MAP3K3: variants seen among roughly 807,000 people sequenced by gnomAD.
The protein encoded by MAP3K3 is MAP/ERK kinase kinase 3.
In MAP3K3, 12 loss-of-function variants were observed where a neutral mutation model predicts 80.9. That is an observed-to-expected ratio of 0.15 (90% CI 0.10 to 0.24). The LOEUF (loss-of-function observed/expected upper bound fraction) is 0.24, where lower values mean the gene tolerates loss of function less well. Among genes scored for constraint, MAP3K3 ranks in the 10% least tolerant of loss-of-function variants. The pLI is 1.00. For missense variants in MAP3K3, 596 were observed against 834.7 expected, an observed-to-expected ratio of 0.71 and a Z score of 3.52; for synonymous variants, 272 against 307.1, an observed-to-expected ratio of 0.89 and a Z score of 1.19.
intron 3 of MAP3K3, among the ~76,000 whole-genome samples, chr17:63,648,676 G>A (rs1216934618): frequency 3.9e-5 from 6 of 152,190 alleles, no homozygotes; most frequent in East Asian, 1.9e-4. Context: ...TTAGCCGGGC[G>A]TGGTGGCCGG....
Position 63,691,936 on chromosome 17 carries a change from A to G in MAP3K3, c.1474+74A>G, listed in dbSNP as rs1368303356. The G allele has an allele frequency of 5.3e-6, 8 of 1,513,342 alleles. No homozygotes were observed. Among genetic ancestry groups the G allele is most frequent in the South Asian group, 1.2e-5 (1 of 85,418 alleles). 93.7% of individuals were successfully genotyped at this position (1,513,342 alleles called of 1,614,324 possible). A position where few individuals can be genotyped will look rare whatever the true frequency, so the allele number is the denominator to read the frequency against. ...TACCATTGAGTGCCTGCAGGGGCCAATCACTTAACCATTCTGAACTTTCTG... is the reference window on the plus strand; with the variant it reads ...TACCATTGAGTGCCTGCAGGGGCCAGTCACTTAACCATTCTGAACTTTCTG... On this transcript the variant is annotated intron_variant, in intron 14 of 15. Coordinates refer to ENST00000361733, the MANE Select transcript of MAP3K3 (RefSeq NM_002401.5). This position sits in a 1 kb window ranked among gnomAD's most constrained non-coding sequence, Gnocchi z 4.8.
At position 63,688,497 on chromosome 17, in the gene MAP3K3, G is replaced by C. The variant is rs1358419340; in HGVS notation, c.711-30G>C. On this transcript the variant is annotated intron_variant, in intron 8 of 15. Coordinates refer to ENST00000361733, the MANE Select transcript of MAP3K3 (RefSeq NM_002401.5). ...GCTTGGTTGCTGTGGAAGTGTGCGG[G>C]AGTCTGTTTTTTCTTTTTGTTTTCT... The C allele has an allele frequency of 2.5e-6, 4 of 1,581,776 alleles. No individual in the cohort carries two copies. The South Asian group carries it at 4.4e-5, about 17-fold the overall frequency.
intron 1 of MAP3K3, among the ~76,000 whole-genome samples, chr17:63,623,571 A>C (rs532513223): frequency 6.6e-6 from 1 of 152,214 alleles, no homozygotes; most frequent in Non-Finnish European, 1.5e-5. Context: ...TACAATTTCT[A>C]CTGTGAAGAT....
At chr17:63,644,692 C>T (rs1169258070) in intron 2 of MAP3K3, among the ~76,000 whole-genome samples, 2 of 152,022 alleles carry the variant, frequency 1.3e-5, no homozygotes, top group African/African-American at 2.4e-5. Flanking sequence ...AAGTCTAGTC[C>T]CTTAATACCT....
intron 7 of MAP3K3, 69 bp from the exon 8 acceptor site, chr17:63,685,448 C>A: frequency 8.0e-7 from 1 of 1,253,046 alleles, no homozygotes; most frequent in South Asian, 1.2e-5. Flanking sequence ...TGGCCCTTGC[C>A]ATAAAGCCTG....
In MAP3K3 at chr17:63,627,907, C is replaced by CT. The variant is rs746879747; in HGVS notation, c.5-4761dup. 5.9e-3 allele frequency among the ~76,000 whole-genome samples: 841 copies of CT among 142,916 alleles called. 4 individuals carry two copies. Among genetic ancestry groups the CT allele is most frequent in the African/African-American group, 0.017 (667 of 39,136 alleles). 93.8% of individuals were successfully genotyped at this position (142,916 alleles called of 152,430 possible). On this transcript the variant is annotated intron_variant, in intron 1 of 15. Transcript: ENST00000361733. ...CCTGTCACTCTTATTTTCTTCAATC[C>CT]TTTTTTTTTTTTTCTGAGACAGAGT... is the stretch of plus-strand genomic sequence containing the variant.
intron 2 of MAP3K3, among the ~76,000 whole-genome samples, chr17:63,638,103 T>C (rs1832484244): frequency 6.6e-6 from 1 of 152,180 alleles, no homozygotes; most frequent in Non-Finnish European, 1.5e-5. Context: ...GAAAATAAGA[T>C]ATAAAACAAC....
In MAP3K3 at chr17:63,689,657, C is replaced by G; in HGVS notation, c.985C>G (p.Leu329Val). 6.2e-7 allele frequency: 1 copy of G among 1,614,024 alleles called. No homozygotes were observed. Among genetic ancestry groups the G allele is most frequent in the Non-Finnish European group, 8.5e-7 (1 of 1,179,974 alleles). ...GENMGLAVQY[L>V]DPRGRLRSAD... ...GAACATGGGTCTGGCTGTGCAATAC[C>G]TGGACCCCCGTGGGCGCCTGCGGAG... Residue 329 changes from leucine (L) to valine (V), a missense_variant, in exon 11 of 16, where the codon CTG becomes GTG. By Grantham distance (32) the Leu-to-Val change is conservative. Coordinates refer to ENST00000361733, the MANE Select transcript of MAP3K3 (RefSeq NM_002401.5). The surrounding 1 kb of genome is among the most constrained non-coding windows in gnomAD (Gnocchi z 4.3).
intron 6 of MAP3K3, chr17:63,668,100 G>A (rs1009185374): frequency 4.6e-5 from 7 of 152,208 alleles, no homozygotes; most frequent in Non-Finnish European, 8.8e-5. Context: ...ATGTTGTGGA[G>A]ACCCCTGCTG....
At chr17:63,628,134 GACCTCA>G (rs2034141371) in intron 1 of MAP3K3, among the ~76,000 whole-genome samples, 1 of 151,080 alleles carries the variant, frequency 6.6e-6, no homozygotes, top group Non-Finnish European at 1.5e-5. Context: ...TTGAACTCCT[GACCTCA>G]GGTGATCTGC....
At chr17:63,688,357 A>G (rs1393572210) in intron 8 of MAP3K3, 170 bp from the exon 9 acceptor site, 1 of 644,302 alleles carries the variant, frequency 1.6e-6, no homozygotes. Context: ...AGACTAGTGA[A>G]GGGAGGGTGG....
At chr17:63,681,112 TA>T (rs76886126) in intron 6 of MAP3K3, among the ~76,000 whole-genome samples, 2,929 of 130,394 alleles carry the variant, frequency 0.022, 78 homozygotes, top group African/African-American at 0.065. Flanking sequence ...TGTCTCAATT[TA>T]AAAAAAAAAA....
In MAP3K3 at chr17:63,692,208, C is replaced by G; in HGVS notation, c.1475-34C>G. 6.2e-7 allele frequency: 1 copy of G among 1,612,088 alleles called. No individual in the cohort carries two copies. ...AGGATGGGAGAAAATGCAAGAGGGTCCAGGGTTGCAGCCTCTGCCCTTTCA... is the reference window on the plus strand; with the variant it reads ...AGGATGGGAGAAAATGCAAGAGGGTGCAGGGTTGCAGCCTCTGCCCTTTCA... On this transcript the variant is annotated intron_variant, in intron 14 of 15. Coordinates refer to ENST00000361733, the MANE Select transcript of MAP3K3 (RefSeq NM_002401.5). The surrounding 1 kb of genome is among the most constrained non-coding windows in gnomAD (Gnocchi z 4.5).
chr17:63,691,672 G>A lies in MAP3K3; in HGVS notation c.1345-61G>A, dbSNP rs1489454717. 4.4e-6 allele frequency: 7 copies of A among 1,581,162 alleles called. No individual in the cohort carries two copies. The highest frequency in any genetic ancestry group is 6.0e-6 in the Non-Finnish European group (7 of 1,158,874). On this transcript the variant is annotated intron_variant, in intron 13 of 15. Transcript: ENST00000361733. The surrounding 1 kb of genome is among the most constrained non-coding windows in gnomAD (Gnocchi z 4.8). Reference sequence around the variant, plus strand: ...TTGCTGCCATGCTGGGGGCTGGAATGGGCTTGCCCCTCCACCAGCCCTCCC... The same window carrying A: ...TTGCTGCCATGCTGGGGGCTGGAATAGGCTTGCCCCTCCACCAGCCCTCCC...
intron 3 of MAP3K3, among the ~76,000 whole-genome samples, chr17:63,651,523 A>G (rs944411158): frequency 6.6e-6 from 1 of 152,170 alleles, no homozygotes; most frequent in African/African-American, 2.4e-5. Context: ...GGAAATTTCA[A>G]GCACACACAA....
At chr17:63,625,654 C>G (rs1199715240) in intron 1 of MAP3K3, among the ~76,000 whole-genome samples, 2 of 152,108 alleles carry the variant, frequency 1.3e-5, no homozygotes. Context: ...AATCTGACCA[C>G]CTATGTAGAC....
chr17:63,650,288 G>A (rs62077475), intron 3 of MAP3K3, among the ~76,000 whole-genome samples: 52 of 152,084 alleles, frequency 3.4e-4, no homozygotes, highest in Non-Finnish European at 4.9e-4. Flanking sequence ...GGCTTATTTT[G>A]CAATCAGAAG....
chr17:63,663,096 G>A (rs1277829475), intron 5 of MAP3K3, among the ~76,000 whole-genome samples: 1 of 152,172 alleles, frequency 6.6e-6, no homozygotes, highest in East Asian at 1.9e-4. Context: ...GAACTTGTGA[G>A]ATGTTGTATC....
At chr17:63,683,875 G>A (rs2035391980) in intron 7 of MAP3K3, among the ~76,000 whole-genome samples, 1 of 152,108 alleles carries the variant, frequency 6.6e-6, no homozygotes, top group Non-Finnish European at 1.5e-5. Context: ...AATTATGTCA[G>A]TCCGGTCGCA....
Sources: allele counts gnomAD v4.1 joint callset (sites outside exome capture counted in the v4.1 genomes callset), GRCh38; gene constraint gnomAD v4.1.1; non-coding constraint Gnocchi (gnomAD v3.1); transcripts MANE v1.5; gene names NCBI Gene and HGNC (gene_info 2026-07-23, HGNC 2026-07-21).